The following ARL6 variants were observed in gnomAD, a reference collection of about 807,000 sequenced individuals.
The protein encoded by ARL6 is ARF like GTPase 6.
ARL6 carries 18 observed loss-of-function variants against 27.1 expected under a neutral mutation model. The observed-to-expected ratio is 0.66, with a 90% CI of 0.46 to 0.98. The LOEUF (loss-of-function observed/expected upper bound fraction) is 0.98. Among genes scored for constraint, ARL6 ranks in the 50% least tolerant of loss-of-function variants. ARL6 has a pLI of 0.00. For missense variants in ARL6, 187 were observed against 214.9 expected, an observed-to-expected ratio of 0.87 and a Z score of 0.81; for synonymous variants, 65 against 72.3, an observed-to-expected ratio of 0.90 and a Z score of 0.51.
In ARL6 at chr3:97,791,753, T is replaced by G; in HGVS notation, c.480-18T>G. On this transcript the variant is annotated intron_variant, in intron 6 of 7. Coordinates refer to ENST00000463745, the MANE Select transcript of ARL6 (RefSeq NM_001278293.3). Reference sequence around the variant, plus strand: ...TGATGTAATGAGATGGCTATGTTTCTTATGGATTTCATTTCAGTGCTAGTG... The same window carrying G: ...TGATGTAATGAGATGGCTATGTTTCGTATGGATTTCATTTCAGTGCTAGTG... The G allele has an allele frequency of 6.2e-7, 1 of 1,612,730 alleles. No individual in the cohort carries two copies. The highest frequency in any genetic ancestry group is 8.5e-7 in the Non-Finnish European group (1 of 1,178,966).
intron 6 of ARL6, among the ~76,000 whole-genome samples, chr3:97,790,033 C>A (rs751880111): frequency 6.7e-6 from 1 of 150,184 alleles, no homozygotes; most frequent in African/African-American, 2.5e-5. Context: ...TTCTTTGACT[C>A]AATCCCTGGC....
chr3:97,769,242 G>A (rs1415398023), intron 2 of ARL6, among the ~76,000 whole-genome samples: 1 of 151,932 alleles, frequency 6.6e-6, no homozygotes, highest in African/African-American at 2.4e-5. Flanking sequence ...ATGTACTGAG[G>A]TTGCTGGCAT....
chr3:97,780,869 A>G (rs2037162903), intron 4 of ARL6, among the ~76,000 whole-genome samples, 186 bp downstream of exon 4: 1 of 152,012 alleles, frequency 6.6e-6, no homozygotes, highest in Admixed American at 6.5e-5. Context: ...GTCCTTCATG[A>G]CTTCGGGCCT....
chr3:97,776,848 G>A (rs1197887647), intron 2 of ARL6, among the ~76,000 whole-genome samples: 5 of 152,028 alleles, frequency 3.3e-5, no homozygotes, highest in Non-Finnish European at 7.4e-5. Flanking sequence ...TAGTAGAGAC[G>A]AGGTTTCACC....
chr3:97,774,276 C>T (rs990358538), intron 2 of ARL6, among the ~76,000 whole-genome samples: 17 of 152,290 alleles, frequency 1.1e-4, no homozygotes, highest in African/African-American at 3.8e-4. Context: ...TCAACCTTAC[C>T]TCTGGGGCCC....
At chr3:97,770,198 A>AT (rs1205422472) in intron 2 of ARL6, among the ~76,000 whole-genome samples, 1 of 151,858 alleles carries the variant, frequency 6.6e-6, no homozygotes, top group African/African-American at 2.4e-5. Flanking sequence ...AGCATTCATT[A>AT]TTTTTTTGCC....
rs566159097 is a variant in ARL6, at chr3:97,769,975, A to C, written c.123+1745A>C. Among the ~76,000 whole-genome samples, 5 of 152,254 alleles carry C rather than the reference A, an allele frequency of 3.3e-5. No individual in the cohort carries two copies. In the East Asian group the frequency reaches 9.6e-4, roughly 29 times the overall value. ...TGTATTCCATATCTTGGCTATTGTG[A>C]ATAGTGGTGCTATAAACTTGGGAGT... On this transcript the variant is annotated intron_variant, in intron 2 of 7. Transcript: ENST00000463745.
intron 6 of ARL6, among the ~76,000 whole-genome samples, chr3:97,790,478 T>C (rs2037679949): frequency 6.6e-6 from 1 of 152,048 alleles, no homozygotes; most frequent in African/African-American, 2.4e-5. Context: ...TTTATTCTTA[T>C]TTATTTGAGA....
chr3:97,797,761 T>C (rs552238823), intron 7 of ARL6, among the ~76,000 whole-genome samples: 3 of 152,246 alleles, frequency 2.0e-5, no homozygotes, highest in African/African-American at 7.2e-5. Flanking sequence ...GAATTGTGCT[T>C]TTAAAAAAGC....
chr3:97,780,749 A>G, intron 4 of ARL6, 66 bp downstream of exon 4: 1 of 1,296,208 alleles, frequency 7.7e-7, no homozygotes, highest in Non-Finnish European at 1.1e-6. Context: ...TAGAAATCCA[A>G]AGAATTATAT....
chr3:97,797,065 C>G (rs112478025), intron 7 of ARL6, among the ~76,000 whole-genome samples: 18 of 152,000 alleles, frequency 1.2e-4, no homozygotes, highest in Non-Finnish European at 5.9e-5. Context: ...AAAACCAGCA[C>G]AGAGAGTAGG....
In ARL6 at chr3:97,800,109, G is replaced by C. The variant is rs2038185380; in HGVS notation, c.*2060G>C. ...AAACTATTTTGACATTAAATTATTT[G>C]GTATTCCACAAACTACAGTAGCTCA... On this transcript the variant is annotated 3_prime_UTR_variant, in exon 8 of 8. Transcript: ENST00000463745. 1 of 151,638 alleles carries C rather than the reference G, an allele frequency of 6.6e-6. No homozygotes were observed. Among genetic ancestry groups the C allele is most frequent in the Admixed American group, 6.6e-5 (1 of 15,220 alleles). 9.4% of individuals were successfully genotyped at this position (151,638 alleles called of 1,614,324 possible). A position where few individuals can be genotyped will look rare whatever the true frequency, so the allele number is the denominator to read the frequency against.
intron 2 of ARL6, among the ~76,000 whole-genome samples, chr3:97,777,825 G>T (rs62264180): frequency 0.22 from 33,253 of 152,158 alleles, 4,140 homozygotes; most frequent in Middle Eastern, 0.3. Context: ...AATTTGTGAA[G>T]TTTCTTTTTT....
intron 1 of ARL6, among the ~76,000 whole-genome samples, chr3:97,767,227 TA>T (rs2107973733): frequency 6.6e-6 from 1 of 152,206 alleles, no homozygotes; most frequent in South Asian, 2.1e-4. Context: ...TTAAGATACT[TA>T]AAAAACTAAA....
chr3:97,780,649 G>A lies in ARL6; in HGVS notation c.220G>A (p.Gly74Arg). The A allele has an allele frequency of 6.2e-7, 1 of 1,613,288 alleles. No individual in the cohort carries two copies. Among genetic ancestry groups the A allele is most frequent in the South Asian group, 1.1e-5 (1 of 91,054 alleles). The change falls in exon 4 of 8, where the codon GGA becomes AGA. Residue 74 changes from glycine (G) to arginine (R), a missense_variant. Physicochemically the swap from Gly to Arg is moderately radical, Grantham distance 125. Coordinates refer to ENST00000463745, the MANE Select transcript of ARL6 (RefSeq NM_001278293.3). ...SFTVFDMSGQ[G>R]RYRNLWEHYY... ...TACAGTGTTTGACATGTCAGGTCAA[G>A]GAAGATACAGAAATCTCTGGGAACA...
At chr3:97,767,779 A>T (rs1289924749) in intron 1 of ARL6, among the ~76,000 whole-genome samples, 1 of 152,166 alleles carries the variant, frequency 6.6e-6, no homozygotes, top group African/African-American at 2.4e-5. Context: ...CGCAGACTCC[A>T]AATGATACTG....
chr3:97,780,814 A>T, intron 4 of ARL6, 131 bp downstream of exon 4: 4 of 714,136 alleles, frequency 5.6e-6, no homozygotes, highest in Non-Finnish European at 9.7e-6. Flanking sequence ...TTCCTATTTT[A>T]AAAAATATGT....
intron 4 of ARL6, among the ~76,000 whole-genome samples, chr3:97,784,568 A>T (rs1408305730): frequency 2.6e-5 from 4 of 151,702 alleles, no homozygotes. Flanking sequence ...TATATAGTTT[A>T]TTCATATGTA....
At chr3:97,791,163 A>G (rs2037715699) in intron 6 of ARL6, 2 of 152,306 alleles carry the variant, frequency 1.3e-5, no homozygotes, top group South Asian at 4.1e-4. Context: ...CAAGTATTTA[A>G]TTCTCACAAT....
Sources: allele counts gnomAD v4.1 joint callset (sites outside exome capture counted in the v4.1 genomes callset), GRCh38; gene constraint gnomAD v4.1.1; transcripts MANE v1.5; gene names NCBI Gene and HGNC (gene_info 2026-07-23, HGNC 2026-07-21).